CACNA1H: variants seen among roughly 807,000 people sequenced by gnomAD.
CACNA1H encodes the protein voltage-dependent T-type calcium channel subunit alpha-1H.
CACNA1H carries 149 observed loss-of-function variants against 192.5 expected under a neutral mutation model. That is an observed-to-expected ratio of 0.77 (90% CI 0.68 to 0.89). CACNA1H has a LOEUF of 0.89. Ranked by LOEUF, CACNA1H falls within the 40% of genes least tolerant of loss-of-function variation. The pLI, the probability that CACNA1H is intolerant of heterozygous loss-of-function variation, is 0.00. For synonymous variants in CACNA1H, 2,202 were observed against 1,475.2 expected, an observed-to-expected ratio of 1.49 and a Z score of -11.29; for missense variants, 4,257 against 3,423.5, an observed-to-expected ratio of 1.24 and a Z score of -6.08.
chr16:1,191,609 G>T (rs1255221081), intron 2 of CACNA1H, among the ~76,000 whole-genome samples: 1 of 27,374 alleles, frequency 3.7e-5, no homozygotes, highest in African/African-American at 1.6e-4. Context: ...TCGGGGTTTC[G>T]GTGACCCAGC....
intron 6 of CACNA1H, 96 bp downstream of exon 6, chr16:1,198,870 G>A (rs923833210): frequency 1.5e-5 from 19 of 1,246,280 alleles, no homozygotes; most frequent in African/African-American, 3.0e-5. Flanking sequence ...ACGTGGCTCT[G>A]CCCACCGTGC....
chr16:1,218,602 C>A lies in CACNA1H; in HGVS notation c.5838C>A (p.Arg1946=). Residue 1946 remains arginine (R), a synonymous_variant, in exon 33 of 35, where the codon CGC becomes CGA. Transcript: ENST00000348261. The part of the protein sequence containing the change: ...PVVPASAPHP[R]PLQEVEMETY... ...TGCCTGCCTCGGCGCCCCACCCCCG[C>A]CCGCTGCAGGAGGTGGAGATGGAGA... 6.4e-7 allele frequency: 1 copy of A among 1,565,358 alleles called. No individual in the cohort carries two copies. Among genetic ancestry groups the A allele is most frequent in the Non-Finnish European group, 8.7e-7 (1 of 1,155,168 alleles).
At chr16:1,204,482 G>T (rs749062234) in intron 10 of CACNA1H, 24 bp downstream of exon 10, 1 of 1,509,336 alleles carries the variant, frequency 6.6e-7, no homozygotes, top group Non-Finnish European at 8.9e-7. Flanking sequence ...TGGCCACGGG[G>T]TGGGCTCCCT....
At chr16:1,200,635 C>T (rs999691704) in intron 7 of CACNA1H, 64 bp downstream of exon 7, 4 of 1,563,912 alleles carry the variant, frequency 2.6e-6, no homozygotes, top group Non-Finnish European at 8.7e-7. Flanking sequence ...GCAGGACTCG[C>T]CCCCCCCAGC....
At chr16:1,211,128 TG>T in intron 21 of CACNA1H, 39 bp from the exon 22 acceptor site, 1 of 1,601,432 alleles carries the variant, frequency 6.2e-7, no homozygotes, top group Non-Finnish European at 8.5e-7. Flanking sequence ...TGGCAGCTGC[TG>T]CCATAGATGA....
At chr16:1,197,850 C>T (rs992293593) in intron 5 of CACNA1H, among the ~76,000 whole-genome samples, 3 of 152,148 alleles carry the variant, frequency 2.0e-5, no homozygotes, top group Non-Finnish European at 2.9e-5. Flanking sequence ...AGGGAAAGGA[C>T]GTCTTGGGGG....
At chr16:1,177,625 A>G (rs1400357680) in intron 2 of CACNA1H, among the ~76,000 whole-genome samples, 1 of 151,874 alleles carries the variant, frequency 6.6e-6, no homozygotes, top group East Asian at 1.9e-4. Context: ...TGTGACAGAA[A>G]TTCTGAGGAC....
At chr16:1,212,912 A>T (rs930237852) in intron 26 of CACNA1H, among the ~76,000 whole-genome samples, 7 of 152,172 alleles carry the variant, frequency 4.6e-5, no homozygotes, top group Non-Finnish European at 1.0e-4. Context: ...GCCGCAGAGC[A>T]TGAGGGTCGG....
chr16:1,190,153 C>T (rs1966470539), intron 2 of CACNA1H, among the ~76,000 whole-genome samples: 1 of 152,246 alleles, frequency 6.6e-6, no homozygotes, highest in Non-Finnish European at 1.5e-5. Flanking sequence ...CGGCCCTTCC[C>T]TGGCTGGGTT....
chr16:1,210,160 GC>G, intron 18 of CACNA1H, 25 bp downstream of exon 18: 1 of 1,531,480 alleles, frequency 6.5e-7, no homozygotes, highest in Non-Finnish European at 8.8e-7. Context: ...TCAGGAGGCT[GC>G]ATGGCTAGTT....
intron 2 of CACNA1H, 82 bp from the exon 3 acceptor site, chr16:1,194,890 G>T: frequency 9.5e-7 from 1 of 1,047,160 alleles, no homozygotes; most frequent in Non-Finnish European, 1.5e-6. Context: ...GCGGGGCTCC[G>T]GCTGACCGGG....
chr16:1,207,631 G>A lies in CACNA1H; in HGVS notation c.3064-139G>A, dbSNP rs1249733398. 4.3e-6 allele frequency: 4 copies of A among 922,970 alleles called. No individual in the cohort carries two copies. The East Asian group carries it at 1.1e-4, about 24-fold the overall frequency. 57.2% of individuals were successfully genotyped at this position (922,970 alleles called of 1,614,324 possible). A position where few individuals can be genotyped will look rare whatever the true frequency, so the allele number is the denominator to read the frequency against. ...GGAGAGGCAGATTCCTCACCTACCTGCCCACCCTGGCAGTGACATCATCCT... is the reference window on the plus strand; with the variant it reads ...GGAGAGGCAGATTCCTCACCTACCTACCCACCCTGGCAGTGACATCATCCT... On this transcript the variant is annotated intron_variant, in intron 14 of 34. Coordinates refer to ENST00000348261, the MANE Select transcript of CACNA1H (RefSeq NM_021098.3).
In CACNA1H at chr16:1,218,644, C is replaced by A; in HGVS notation, c.5880C>A (p.Thr1960=). The A allele has an allele frequency of 6.5e-7, 1 of 1,543,790 alleles. No individual in the cohort carries two copies. The highest frequency in any genetic ancestry group is 8.8e-7 in the Non-Finnish European group (1 of 1,141,942). The change falls in exon 33 of 35, where the codon ACC becomes ACA. Residue 1960 remains threonine, a synonymous_variant. Coordinates refer to ENST00000348261, the MANE Select transcript of CACNA1H (RefSeq NM_021098.3). ...AGATGGAGACCTATGGGGCCGGCAC[C>A]CCCTTGGGTATGGTAGCCAGCAGGA... is the stretch of plus-strand genomic sequence containing the variant. ...EVEMETYGAG[T]PLGSVASVHS...
rs537268892 is a variant in CACNA1H, at chr16:1,179,009, C to T, written c.300-15963C>T. Among the ~76,000 whole-genome samples the T allele has an allele frequency of 1.4e-3, 212 of 152,314 alleles. 2 individuals are homozygous for T. Among genetic ancestry groups the T allele is most frequent in the South Asian group, 1.9e-3 (9 of 4,826 alleles). On this transcript the variant is annotated intron_variant, in intron 2 of 34. Coordinates refer to ENST00000348261, the MANE Select transcript of CACNA1H (RefSeq NM_021098.3). ...CTCGGGATAAACTGAGGCTCTGTGA[C>T]CTCTGTCAGGTCACAGAGACCCTGT...
intron 2 of CACNA1H, among the ~76,000 whole-genome samples, chr16:1,181,673 C>G (rs938984787): frequency 1.3e-5 from 2 of 152,196 alleles, no homozygotes; most frequent in African/African-American, 4.8e-5. Context: ...TAAAATTGTG[C>G]GCAGTTAGAG....
intron 2 of CACNA1H, 142 bp downstream of exon 2, chr16:1,154,178 G>A (rs896478139): frequency 4.4e-5 from 24 of 545,176 alleles, no homozygotes; most frequent in Non-Finnish European, 6.0e-5. Context: ...GGGGTGCAGG[G>A]CAGGGGCTGG....
At chr16:1,165,896 T>G (rs1021534894) in intron 2 of CACNA1H, among the ~76,000 whole-genome samples, 2 of 152,012 alleles carry the variant, frequency 1.3e-5, no homozygotes, top group African/African-American at 4.8e-5. Context: ...TGGCCCCTGC[T>G]TGGGTGGTGT....
chr16:1,212,544 C>A lies in CACNA1H; in HGVS notation c.4777+16C>A. On this transcript the variant is annotated intron_variant, in intron 26 of 34. Coordinates refer to ENST00000348261, the MANE Select transcript of CACNA1H (RefSeq NM_021098.3). ...CCCAGCCCAGGTACCGGCCCTGTCC[C>A]GCATGCCTCAGGCCCCGCTTCTGCG... The A allele has an allele frequency of 6.2e-7, 1 of 1,609,466 alleles. No homozygotes were observed. The highest frequency in any genetic ancestry group is 2.2e-5 in the East Asian group (1 of 44,670).
chr16:1,221,077 G>A lies in CACNA1H; in HGVS notation c.*83G>A. ...TGGAGGCCCAGGCAGAACCCTGCAT[G>A]GACCCTGACTTGGGTCCCGTCGTGA... On this transcript the variant is annotated 3_prime_UTR_variant, in exon 35 of 35. Coordinates refer to ENST00000348261, the MANE Select transcript of CACNA1H (RefSeq NM_021098.3). 1 of 1,083,374 alleles carries A rather than the reference G, an allele frequency of 9.2e-7. No individual in the cohort carries two copies. The highest frequency in any genetic ancestry group is 1.3e-6 in the Non-Finnish European group (1 of 766,586). The allele number at this position is 1,083,374 out of a possible 1,614,324, so 67.1% of individuals were successfully genotyped here. A position where few individuals can be genotyped will look rare whatever the true frequency, so the allele number is the denominator to read the frequency against.
Sources: allele counts gnomAD v4.1 joint callset (sites outside exome capture counted in the v4.1 genomes callset), GRCh38; gene constraint gnomAD v4.1.1; transcripts MANE v1.5; gene names NCBI Gene and HGNC (gene_info 2026-07-23, HGNC 2026-07-21).